Variants in GRIN2A observed in about 807,000 individuals in gnomAD.
GRIN2A encodes glutamate receptor ionotropic, NMDA 2A.
GRIN2A carries 22 observed loss-of-function variants against 113.4 expected under a neutral mutation model. The ratio of observed to expected loss-of-function variants is 0.19; its 90% CI spans 0.14 to 0.28. The LOEUF (loss-of-function observed/expected upper bound fraction) is 0.28. GRIN2A is among the 10% of genes least tolerant of loss of function. GRIN2A has a pLI of 1.00. For missense variants in GRIN2A, 1,502 were observed against 1,887.0 expected (o/e 0.80, Z 3.78); for synonymous variants, 827 against 738.4 (o/e 1.12, Z -1.94).
intron 3 of GRIN2A, among the ~76,000 whole-genome samples, chr16:9,934,853 T>G (rs1481922742): frequency 6.6e-6 from 1 of 151,842 alleles, no homozygotes. Context: ...AGAGACTGCT[T>G]GTGCCTTATC....
Position 9,849,766 on chromosome 16 carries a change from C to T in GRIN2A, c.1318G>A (p.Val440Ile), listed in dbSNP as rs758815434. Reference sequence around the variant, plus strand: ...ATTCCTGCCACTCACTTGATTTTGACGAACTTCCGACATGGCACGGTGTTC... The same window carrying T: ...ATTCCTGCCACTCACTTGATTTTGATGAACTTCCGACATGGCACGGTGTTC... ...VRNTVPCRKFVKINNSTNEGM... is the reference protein window; with the variant it reads ...VRNTVPCRKFIKINNSTNEGM... The change falls in exon 5 of 13, where the codon GTC (valine) becomes ATC (isoleucine). Residue 440 changes from valine (V) to isoleucine (I), a missense_variant. This residue lies in a region of GRIN2A where 334 missense variants were observed against 403.0 expected (regional missense o/e 0.83). Coordinates refer to ENST00000330684, the MANE Select transcript of GRIN2A (RefSeq NM_001134407.3). 21 of 1,613,820 alleles carry T rather than the reference C, an allele frequency of 1.3e-5. No individual in the cohort carries two copies. Among genetic ancestry groups the T allele is most frequent in the Non-Finnish European group, 1.7e-5 (20 of 1,179,770 alleles).
At chr16:10,172,629 G>C (rs552969689) in intron 2 of GRIN2A, among the ~76,000 whole-genome samples, 26 of 152,344 alleles carry the variant, frequency 1.7e-4, no homozygotes, top group African/African-American at 5.5e-4. Context: ...GTGGGGTTGG[G>C]GGATGAGATT....
intron 2 of GRIN2A, among the ~76,000 whole-genome samples, chr16:10,044,549 A>T (rs185384148): frequency 8.1e-4 from 123 of 151,608 alleles, no homozygotes; most frequent in Non-Finnish European, 1.4e-3. Context: ...TGTTCTATAC[A>T]TATCTTTAAT....
At chr16:9,811,970 G>T (rs925502690) in intron 10 of GRIN2A, among the ~76,000 whole-genome samples, 3 of 152,080 alleles carry the variant, frequency 2.0e-5, no homozygotes, top group Non-Finnish European at 4.4e-5. Flanking sequence ...AAGAAACATT[G>T]CCCCTTTTGA....
chr16:10,068,419 G>A (rs1184607855), intron 2 of GRIN2A, among the ~76,000 whole-genome samples: 2 of 152,222 alleles, frequency 1.3e-5, no homozygotes, highest in Non-Finnish European at 2.9e-5. Context: ...ATGGTGGAAG[G>A]TGAAGGGGGA....
rs1900320433 is a variant in GRIN2A at position 9,755,647 on chromosome 16, T to C, written c.*7502A>G. 1 of 194,522 alleles carries C rather than the reference T, an allele frequency of 5.1e-6. No individual in the cohort carries two copies. Among genetic ancestry groups the C allele is most frequent in the East Asian group, 7.9e-5 (1 of 12,630 alleles). The allele number at this position is 194,522 out of a possible 1,614,324, so 12.0% of individuals were successfully genotyped here. On this transcript the variant is annotated 3_prime_UTR_variant, in exon 13 of 13. Transcript: ENST00000330684. ...AAATATAAATGCCAGGAAAGAAATGTGGCTTAGACCATGGAGAGGGGGGAA... is the reference window on the plus strand; with the variant it reads ...AAATATAAATGCCAGGAAAGAAATGCGGCTTAGACCATGGAGAGGGGGGAA...
chr16:10,059,057 G>C (rs931623419), intron 2 of GRIN2A, among the ~76,000 whole-genome samples: 2 of 152,184 alleles, frequency 1.3e-5, no homozygotes, highest in Admixed American at 1.3e-4. Context: ...TTCAGACAAA[G>C]GCCCTGTAAC....
chr16:10,106,906 T>C (rs8045728), intron 2 of GRIN2A, among the ~76,000 whole-genome samples: 10,042 of 152,016 alleles, frequency 0.066, 730 homozygotes, highest in African/African-American at 0.18. Flanking sequence ...CCCGAGAACA[T>C]GCCAGAATAG....
chr16:9,845,103 T>C (rs16966484), intron 5 of GRIN2A, among the ~76,000 whole-genome samples: 1,577 of 152,196 alleles, frequency 0.01, 20 homozygotes, highest in African/African-American at 0.035. Flanking sequence ...TCTCTATTGC[T>C]CTCACGAGTC....
At chr16:10,089,014 C>T (rs1328949281) in intron 2 of GRIN2A, among the ~76,000 whole-genome samples, 1 of 152,180 alleles carries the variant, frequency 6.6e-6, no homozygotes, top group East Asian at 1.9e-4. Context: ...TCTCCTCATG[C>T]CTCAGTTTTT....
chr16:10,119,756 C>T (rs1172942767), intron 2 of GRIN2A, among the ~76,000 whole-genome samples: 2 of 152,072 alleles, frequency 1.3e-5, no homozygotes, highest in Non-Finnish European at 2.9e-5. Context: ...TCGATTAGAA[C>T]TATTTGTCTG....
At chr16:10,148,625 C>T (rs1192233523) in intron 2 of GRIN2A, among the ~76,000 whole-genome samples, 1 of 152,198 alleles carries the variant, frequency 6.6e-6, no homozygotes, top group Non-Finnish European at 1.5e-5. Context: ...TTCCCCATCT[C>T]AACAAATGTC....
chr16:9,953,697 G>A (rs746095532), intron 2 of GRIN2A, among the ~76,000 whole-genome samples: 13 of 152,236 alleles, frequency 8.5e-5, no homozygotes, highest in East Asian at 1.9e-4. Context: ...GGAGAAAGCC[G>A]GGGAATGCGA....
chr16:9,911,121 G>C (rs1238141537), intron 3 of GRIN2A, among the ~76,000 whole-genome samples: 1 of 151,970 alleles, frequency 6.6e-6, no homozygotes, highest in Non-Finnish European at 1.5e-5. Context: ...AACAGCACAG[G>C]AGCTAACAGC....
At chr16:10,175,890 C>A (rs1464778016) in intron 2 of GRIN2A, among the ~76,000 whole-genome samples, 1 of 152,076 alleles carries the variant, frequency 6.6e-6, no homozygotes, top group Non-Finnish European at 1.5e-5. Context: ...ATTACTGCAG[C>A]TGGAGTGTAT....
At chr16:9,817,572 G>C (rs2042208453) in intron 10 of GRIN2A, among the ~76,000 whole-genome samples, 1 of 152,212 alleles carries the variant, frequency 6.6e-6, no homozygotes, top group South Asian at 2.1e-4. Flanking sequence ...AACTAGTTTA[G>C]AGATCAAAGA....
chr16:10,179,893 C>CCCCAAAAAAAAA, intron 2 of GRIN2A, 105 bp downstream of exon 2: 2 of 719,814 alleles, frequency 2.8e-6, no homozygotes, highest in Non-Finnish European at 2.4e-6. Context: ...CCCCCACCCC[C>CCCCAAAAAAAAA]ACTTCACATC....
At chr16:9,905,974 A>G (rs1596566173) in intron 3 of GRIN2A, among the ~76,000 whole-genome samples, 2 of 152,286 alleles carry the variant, frequency 1.3e-5, no homozygotes, top group African/African-American at 4.8e-5. Flanking sequence ...AGCCCCAAAC[A>G]ATATTTTCTA....
chr16:10,021,802 A>G (rs1272124515), intron 2 of GRIN2A, among the ~76,000 whole-genome samples: 1 of 151,894 alleles, frequency 6.6e-6, no homozygotes, highest in African/African-American at 2.4e-5. Flanking sequence ...GCCAAAGTCA[A>G]TGTCCATCAA....
Sources: allele counts gnomAD v4.1 joint callset (sites outside exome capture counted in the v4.1 genomes callset), GRCh38; gene constraint gnomAD v4.1.1; regional missense constraint gnomAD v4.1.1; transcripts MANE v1.5; gene names NCBI Gene and HGNC (gene_info 2026-07-23, HGNC 2026-07-21).